The following SHISA6 variants were observed in gnomAD, a reference collection of about 807,000 sequenced individuals.
SHISA6 encodes the protein shisa family member 6.
In SHISA6, 22 loss-of-function variants were observed where a neutral mutation model predicts 47.9. The observed-to-expected ratio is 0.46, with a 90% confidence interval of 0.33 to 0.66. The LOEUF (loss-of-function observed/expected upper bound fraction) is 0.66. Ranked by LOEUF, SHISA6 falls within the 30% of genes least tolerant of loss-of-function variation. The pLI is 0.02. For missense variants in SHISA6, 680 were observed against 764.6 expected (o/e 0.89, Z 1.30); for synonymous variants, 388 against 337.8 (o/e 1.15, Z -1.63).
intron 3 of SHISA6, among the ~76,000 whole-genome samples, chr17:11,450,347 A>G (rs1399046862): frequency 6.6e-6 from 1 of 152,118 alleles, no homozygotes; most frequent in Non-Finnish European, 1.5e-5. Context: ...TGGAGGCAGA[A>G]TTCAATTCGT....
intron 3 of SHISA6, among the ~76,000 whole-genome samples, chr17:11,396,887 A>G (rs1170920164): frequency 6.6e-6 from 1 of 152,194 alleles, no homozygotes; most frequent in Non-Finnish European, 1.5e-5. Context: ...CTGCACATGT[A>G]TCTCAGAACT....
chr17:11,396,192 G>T (rs1238981631), intron 3 of SHISA6, among the ~76,000 whole-genome samples: 1 of 152,052 alleles, frequency 6.6e-6, no homozygotes, highest in Non-Finnish European at 1.5e-5. Flanking sequence ...AATTTAAATG[G>T]ATTTCCTAAT....
chr17:11,272,112 T>A (rs1443742227), intron 2 of SHISA6, among the ~76,000 whole-genome samples: 1 of 152,064 alleles, frequency 6.6e-6, no homozygotes, highest in African/African-American at 2.4e-5. Context: ...TTCCCACAGT[T>A]TTGGGGGGTT....
chr17:11,338,442 C>T (rs575285430), intron 2 of SHISA6, among the ~76,000 whole-genome samples: 5 of 152,260 alleles, frequency 3.3e-5, no homozygotes, highest in African/African-American at 1.2e-4. Context: ...CGCTCTGTCA[C>T]CCAGGCTGGA....
intron 1 of SHISA6, among the ~76,000 whole-genome samples, chr17:11,259,725 T>C (rs766595588): frequency 2.0e-5 from 3 of 152,210 alleles, no homozygotes; most frequent in African/African-American, 4.8e-5. Context: ...GAATCACTCA[T>C]TTACTAATTG....
chr17:11,440,534 G>A, intron 3 of SHISA6, among the ~76,000 whole-genome samples: 1 of 150,914 alleles, frequency 6.6e-6, no homozygotes, highest in Admixed American at 6.6e-5. Context: ...ATAGCCTTAG[G>A]GCTAACTCTT....
chr17:11,338,384 G>A (rs1052280034), intron 2 of SHISA6, among the ~76,000 whole-genome samples: 5 of 151,962 alleles, frequency 3.3e-5, no homozygotes, highest in African/African-American at 1.2e-4. Context: ...CATACCAGAA[G>A]CCTTTTTTGT....
At chr17:11,462,631 G>GT (rs1389127313) in intron 3 of SHISA6, among the ~76,000 whole-genome samples, 1 of 151,846 alleles carries the variant, frequency 6.6e-6, no homozygotes, top group Non-Finnish European at 1.5e-5. Flanking sequence ...GTTTGTTTTT[G>GT]TTTTTTTGAG....
chr17:11,423,929 G>A (rs182263164), intron 3 of SHISA6, among the ~76,000 whole-genome samples: 1 of 152,300 alleles, frequency 6.6e-6, no homozygotes, highest in African/African-American at 2.4e-5. Context: ...CCAAAGGATA[G>A]ATTAAGGAAT....
intron 1 of SHISA6, among the ~76,000 whole-genome samples, chr17:11,243,432 A>T (rs1907451680): frequency 6.6e-6 from 1 of 151,598 alleles, no homozygotes; most frequent in African/African-American, 2.4e-5. Flanking sequence ...CCAAAAGGAG[A>T]CCCTTTTATA....
At chr17:11,326,499 G>A (rs1029523390) in intron 2 of SHISA6, among the ~76,000 whole-genome samples, 3 of 152,170 alleles carry the variant, frequency 2.0e-5, no homozygotes, top group Admixed American at 2.0e-4. Context: ...TGAATTCTAT[G>A]GTCTATCAGA....
intron 3 of SHISA6, among the ~76,000 whole-genome samples, chr17:11,396,830 G>T (rs995704709): frequency 6.6e-6 from 1 of 152,126 alleles, no homozygotes; most frequent in Non-Finnish European, 1.5e-5. Flanking sequence ...GACAGGTGCG[G>T]CAAACCAACC....
intron 3 of SHISA6, among the ~76,000 whole-genome samples, chr17:11,440,064 AATTC>A (rs1486382012): frequency 3.9e-5 from 6 of 152,168 alleles, no homozygotes; most frequent in African/African-American, 1.4e-4. Flanking sequence ...CAGTTAATTC[AATTC>A]ATTCATTCAT....
chr17:11,416,365 C>A (rs141760842), intron 3 of SHISA6, among the ~76,000 whole-genome samples: 1 of 152,164 alleles, frequency 6.6e-6, no homozygotes, highest in African/African-American at 2.4e-5. Flanking sequence ...ATCTCCAAGA[C>A]GGCAGTATTA....
intron 3 of SHISA6, among the ~76,000 whole-genome samples, chr17:11,546,028 A>G (rs1210900777): frequency 6.6e-6 from 1 of 152,244 alleles, no homozygotes; most frequent in Non-Finnish European, 1.5e-5. Context: ...AATAAGTCCT[A>G]TCTAATGAGT....
At chr17:11,485,799 T>A in intron 3 of SHISA6, among the ~76,000 whole-genome samples, 1 of 151,826 alleles carries the variant, frequency 6.6e-6, no homozygotes, top group African/African-American at 2.4e-5. Flanking sequence ...TAAATGACTC[T>A]GGATTTGTGT....
chr17:11,400,675 GTTTCCATTTCCTATA>G (rs1212579648), intron 3 of SHISA6, among the ~76,000 whole-genome samples: 1 of 152,054 alleles, frequency 6.6e-6, no homozygotes, highest in African/African-American at 2.4e-5. Flanking sequence ...TCTTGTAGTG[GTTTCCATTTCCTATA>G]TTTCTTTCAT....
intron 3 of SHISA6, among the ~76,000 whole-genome samples, chr17:11,401,540 T>C (rs1913772865): frequency 6.6e-6 from 1 of 152,206 alleles, no homozygotes; most frequent in Non-Finnish European, 1.5e-5. Flanking sequence ...GTTTTTGGAA[T>C]TTTTATGAGA....
intron 2 of SHISA6, among the ~76,000 whole-genome samples, chr17:11,370,742 T>C (rs1319380131): frequency 6.6e-6 from 1 of 152,202 alleles, no homozygotes; most frequent in Non-Finnish European, 1.5e-5. Flanking sequence ...ACTATCTGCC[T>C]TTGTGACCTT....
Sources: allele counts gnomAD v4.1 joint callset (sites outside exome capture counted in the v4.1 genomes callset), GRCh38; gene constraint gnomAD v4.1.1; transcripts MANE v1.5; gene names NCBI Gene and HGNC (gene_info 2026-07-23, HGNC 2026-07-21).